PPM1L: variants seen among roughly 807,000 people sequenced by gnomAD.
PPM1L encodes protein phosphatase, Mg2+/Mn2+ dependent 1L, also known as protein phosphatase 1L.
In PPM1L, 13 loss-of-function variants were observed where a neutral mutation model predicts 31.4. The observed-to-expected ratio is 0.41, with a 90% CI of 0.27 to 0.66. The LOEUF (loss-of-function observed/expected upper bound fraction) is 0.66, where lower values mean the gene tolerates loss of function less well. Ranked by LOEUF, PPM1L falls within the 30% of genes least tolerant of loss-of-function variation. The probability of loss-of-function intolerance (pLI) is 0.29; values close to 1 mark genes in which losing one functional copy is unlikely to be tolerated. For synonymous variants in PPM1L, 184 were observed against 175.4 expected (o/e 1.05, Z -0.39); for missense variants, 326 against 453.7 (o/e 0.72, Z 2.56).
chr3:160,803,682 A>G (rs1372371187), intron 1 of PPM1L, among the ~76,000 whole-genome samples: 1 of 152,262 alleles, frequency 6.6e-6, no homozygotes, highest in South Asian at 2.1e-4. Flanking sequence ...TTTTTTGCTA[A>G]TAAACAATCT....
intron 1 of PPM1L, among the ~76,000 whole-genome samples, chr3:160,924,874 GA>G (rs1714534008): frequency 1.3e-5 from 2 of 152,308 alleles, no homozygotes; most frequent in Non-Finnish European, 2.9e-5. Flanking sequence ...CTAATGATAG[GA>G]AACAATTCGC....
chr3:160,898,159 G>A (rs148794858), intron 1 of PPM1L, among the ~76,000 whole-genome samples: 205 of 152,050 alleles, frequency 1.3e-3, no homozygotes, highest in African/African-American at 4.7e-3. Context: ...CCTTTTTTTG[G>A]CATGCAGAGC....
chr3:160,902,711 T>G (rs980087194), intron 1 of PPM1L, among the ~76,000 whole-genome samples: 1 of 152,184 alleles, frequency 6.6e-6, no homozygotes, highest in Non-Finnish European at 1.5e-5. Flanking sequence ...AAAAACAGTC[T>G]TATTAATTTT....
intron 2 of PPM1L, among the ~76,000 whole-genome samples, chr3:161,032,874 T>C (rs1488835008): frequency 2.0e-5 from 3 of 148,108 alleles, no homozygotes; most frequent in African/African-American, 7.5e-5. Flanking sequence ...GTATTTTTTT[T>C]TTTTTTTTTT....
rs1720102797 is a variant in PPM1L at position 161,076,506 on chromosome 3, C to A, written c.*7349C>A. The A allele has an allele frequency of 6.6e-6, 1 of 152,132 alleles. No individual in the cohort carries two copies. Among genetic ancestry groups the A allele is most frequent in the Non-Finnish European group, 1.5e-5 (1 of 68,018 alleles). The allele number at this position is 152,132 out of a possible 1,614,324, so 9.4% of individuals were successfully genotyped here. Reference sequence around the variant, plus strand: ...TAACTTTTGCTTCTATTATAGAAAGCAGTGTTTGTTCTTTTTAATTTATTA... The same window carrying A: ...TAACTTTTGCTTCTATTATAGAAAGAAGTGTTTGTTCTTTTTAATTTATTA... On this transcript the variant is annotated 3_prime_UTR_variant, in exon 4 of 4. Coordinates refer to ENST00000498165, the MANE Select transcript of PPM1L (RefSeq NM_139245.4).
intron 1 of PPM1L, among the ~76,000 whole-genome samples, chr3:160,790,075 G>A (rs1712055940): frequency 6.6e-6 from 1 of 151,998 alleles, no homozygotes; most frequent in South Asian, 2.1e-4. Flanking sequence ...TTTTTACAAA[G>A]TTCAGTACAT....
At chr3:161,064,185 TA>T (rs772222080) in intron 2 of PPM1L, among the ~76,000 whole-genome samples, 907 of 125,190 alleles carry the variant, frequency 7.2e-3, no homozygotes, top group Middle Eastern at 7.9e-3. Context: ...AAAGTAAAAT[TA>T]AAAAAAAAAA....
intron 1 of PPM1L, among the ~76,000 whole-genome samples, chr3:160,789,420 C>A (rs1027497351): frequency 5.9e-5 from 9 of 151,840 alleles, no homozygotes; most frequent in Non-Finnish European, 1.2e-4. Context: ...ATTTGTATCT[C>A]TCTTATTATT....
At chr3:160,991,572 T>C (rs1337849240) in intron 2 of PPM1L, among the ~76,000 whole-genome samples, 1 of 152,192 alleles carries the variant, frequency 6.6e-6, no homozygotes, top group South Asian at 2.1e-4. Context: ...TGATGAAATT[T>C]TTTTAAATGT....
In PPM1L at chr3:161,071,650, A is replaced by G. The variant is rs944305600; in HGVS notation, c.*2493A>G. 6.6e-6 allele frequency: 1 copy of G among 152,200 alleles called. No homozygotes were observed. The highest frequency in any genetic ancestry group is 6.5e-5 in the Admixed American group (1 of 15,278). The allele number at this position is 152,200 out of a possible 1,614,324, so 9.4% of individuals were successfully genotyped here. A position where few individuals can be genotyped will look rare whatever the true frequency, so the allele number is the denominator to read the frequency against. On this transcript the variant is annotated 3_prime_UTR_variant, in exon 4 of 4. Transcript: ENST00000498165. ...AGATAGAAGTTCTAGGCAAAACTGT[A>G]GCAGTTTCATTAATAGTTGTTAGGA... is the stretch of plus-strand genomic sequence containing the variant.
At chr3:160,808,383 C>CTGTGTGTGTGTGTG (rs71912617) in intron 1 of PPM1L, among the ~76,000 whole-genome samples, 1 of 110,310 alleles carries the variant, frequency 9.1e-6, no homozygotes, top group Non-Finnish European at 1.9e-5. Flanking sequence ...CAGGATTTTC[C>CTGTGTGTGTGTGTG]TGTGTGTGTG....
At chr3:160,999,431 C>CT (rs1377983972) in intron 2 of PPM1L, among the ~76,000 whole-genome samples, 1 of 152,124 alleles carries the variant, frequency 6.6e-6, no homozygotes, top group African/African-American at 2.4e-5. Context: ...ATGATTGTAC[C>CT]ATAGATCCCC....
chr3:160,987,576 T>C (rs1717004623), intron 2 of PPM1L, among the ~76,000 whole-genome samples: 1 of 152,248 alleles, frequency 6.6e-6, no homozygotes, highest in Admixed American at 6.5e-5. Context: ...ACAGTGCTCT[T>C]ACCTGATTAC....
chr3:160,785,445 A>G (rs997426028), intron 1 of PPM1L, among the ~76,000 whole-genome samples: 1 of 152,228 alleles, frequency 6.6e-6, no homozygotes, highest in Non-Finnish European at 1.5e-5. Flanking sequence ...CATTTCAAAC[A>G]GCATAAAAAT....
chr3:160,850,450 G>A (rs112548995), intron 1 of PPM1L, among the ~76,000 whole-genome samples: 4 of 152,090 alleles, frequency 2.6e-5, no homozygotes, highest in African/African-American at 7.2e-5. Context: ...TCATTAAATA[G>A]TCATTGTTGA....
chr3:160,906,763 G>A (rs1422984995), intron 1 of PPM1L, among the ~76,000 whole-genome samples: 1 of 152,322 alleles, frequency 6.6e-6, no homozygotes, highest in East Asian at 1.9e-4. Flanking sequence ...TCACTCATGT[G>A]GTTGTTGGCA....
At chr3:160,931,154 C>A (rs900240547) in intron 1 of PPM1L, among the ~76,000 whole-genome samples, 1 of 152,152 alleles carries the variant, frequency 6.6e-6, no homozygotes. Flanking sequence ...GCTCAGGCAG[C>A]CAGTATTTCT....
intron 1 of PPM1L, among the ~76,000 whole-genome samples, chr3:160,902,349 C>A (rs1223980205): frequency 6.6e-6 from 1 of 152,124 alleles, no homozygotes; most frequent in African/African-American, 2.4e-5. Context: ...GAGTAAAATT[C>A]ATTTTCATCT....
chr3:161,006,641 T>C (rs1717715762), intron 2 of PPM1L, among the ~76,000 whole-genome samples: 1 of 152,016 alleles, frequency 6.6e-6, no homozygotes, highest in Non-Finnish European at 1.5e-5. Context: ...GTTTAAAGCT[T>C]TTATGCCATC....
Sources: gnomAD v4.1 joint callset for allele counts (sites outside exome capture counted in the v4.1 genomes callset) on GRCh38, gnomAD v4.1.1 for gene constraint, MANE v1.5 for transcripts, NCBI Gene and HGNC (gene_info 2026-07-23, HGNC 2026-07-21) for gene names.